DCTN4: variants seen among roughly 807,000 people sequenced by gnomAD.
DCTN4 encodes dynactin 4 (p62).
Under a neutral mutation model 62.7 loss-of-function variants are expected in DCTN4, and 23 were observed. The observed-to-expected ratio is 0.37, with a 90% CI of 0.26 to 0.52. The LOEUF is 0.52. Among genes scored for constraint, DCTN4 ranks in the 20% least tolerant of loss-of-function variants. The pLI is 0.92. For missense variants in DCTN4, 514 were observed against 580.4 expected (o/e 0.89, Z 1.18); for synonymous variants, 199 against 202.1 (o/e 0.98, Z 0.13).
chr5:150,746,910 T>G (rs1752459817), intron 3 of DCTN4, among the ~76,000 whole-genome samples: 1 of 152,124 alleles, frequency 6.6e-6, no homozygotes. Flanking sequence ...ACCACTCCTA[T>G]TCAACATAGT....
At position 150,758,768 on chromosome 5, in the gene DCTN4, G is replaced by A. The variant is rs114177917; in HGVS notation, c.135+91C>T. 1.0e-3 allele frequency: 1,595 copies of A among 1,542,434 alleles called. 16 individuals carry two copies. In the African/African-American group the frequency reaches 0.02, roughly 20 times the overall value. The stretch of plus-strand genomic sequence containing the variant: ...GAAGACATAACCAATCAGTAAGGAA[G>A]GAAAATAGCTCCAGCCTTCCGGTGG... On this transcript the variant is annotated intron_variant, in intron 1 of 12. Transcript: ENST00000447998.
rs1752753999 is a variant in DCTN4 at position 150,753,542 on chromosome 5, A to AAT, written c.320_321dup (p.Tyr108IlefsTer22). On this transcript the variant is annotated frameshift_variant, in exon 3 of 13. Transcript: ENST00000447998. LOFTEE classifies it high-confidence loss of function. ...CAGCGACAAAATCCACATGCCAGGT[A>AAT]ATAGGCTTTCTTCATGGTGGTCTTG... 1 of 1,614,210 alleles carries AAT rather than the reference A, an allele frequency of 6.2e-7. No individual in the cohort carries two copies. The highest frequency in any genetic ancestry group is 8.5e-7 in the Non-Finnish European group (1 of 1,180,020).
chr5:150,741,082 T>G (rs1760751185), intron 4 of DCTN4, among the ~76,000 whole-genome samples: 1 of 150,140 alleles, frequency 6.7e-6, no homozygotes, highest in Admixed American at 6.6e-5. Flanking sequence ...GGAGGATTGC[T>G]TAAGCCTGGG....
At chr5:150,752,549 G>T (rs923102901) in intron 3 of DCTN4, among the ~76,000 whole-genome samples, 1 of 152,180 alleles carries the variant, frequency 6.6e-6, no homozygotes, top group Admixed American at 6.5e-5. Flanking sequence ...CTCCAAGATA[G>T]ACTACCATAG....
rs1431523172 is a variant in DCTN4, at chr5:150,719,727, G to A, written c.952C>T (p.Arg318Cys). Residue 318 changes from arginine (R) to cysteine (C), a missense_variant, in exon 10 of 13, where the codon CGC becomes TGC. Transcript: ENST00000447998. ...AGCAAGGTACTAACCTTCATGTAGC[G>A]AAGGTTGGGAATTGACATGATTCTC... The part of the protein sequence containing the change: ...EVRIMSIPNL[R>C]YMKESQVLLT... 5.0e-6 allele frequency: 8 copies of A among 1,609,872 alleles called. No individual in the cohort carries two copies. The highest frequency in any genetic ancestry group is 6.8e-6 in the Non-Finnish European group (8 of 1,176,866).
At chr5:150,744,371 ATAT>A (rs1456935326) in intron 3 of DCTN4, among the ~76,000 whole-genome samples, 3 of 151,890 alleles carry the variant, frequency 2.0e-5, no homozygotes, top group Admixed American at 6.6e-5. Context: ...ACTCTGCAGG[ATAT>A]TATCCAGGAG....
chr5:150,731,006 G>A, intron 7 of DCTN4, 38 bp downstream of exon 7: 1 of 1,238,782 alleles, frequency 8.1e-7, no homozygotes, highest in Non-Finnish European at 1.2e-6. Context: ...AGAATTAGAT[G>A]TAGACTAGAA....
At chr5:150,750,982 A>G (rs1321497026) in intron 3 of DCTN4, among the ~76,000 whole-genome samples, 1 of 152,204 alleles carries the variant, frequency 6.6e-6, no homozygotes, top group African/African-American at 2.4e-5. Flanking sequence ...CAGAAATAAC[A>G]CTTTAGTATA....
intron 4 of DCTN4, among the ~76,000 whole-genome samples, chr5:150,737,417 C>T (rs567303677): frequency 7.9e-5 from 12 of 152,126 alleles, no homozygotes; most frequent in Non-Finnish European, 2.9e-5. Flanking sequence ...ATGAAGTACT[C>T]GCTCAGACAG....
chr5:150,723,124 G>A (rs1373976172), intron 8 of DCTN4, 144 bp from the exon 9 acceptor site: 1 of 596,392 alleles, frequency 1.7e-6, no homozygotes, highest in Non-Finnish European at 2.9e-6. Flanking sequence ...TTTGAATAAT[G>A]TATAGCAGCC....
intron 9 of DCTN4, among the ~76,000 whole-genome samples, chr5:150,722,026 A>G (rs1422377203): frequency 6.6e-6 from 1 of 151,896 alleles, no homozygotes. Flanking sequence ...GGGTCTTACT[A>G]TGTTGTCCAG....
chr5:150,743,272 GA>G, intron 3 of DCTN4: 1 of 157,318 alleles, frequency 6.4e-6, no homozygotes, highest in Non-Finnish European at 1.4e-5. Context: ...GAGGCTGGGG[GA>G]GGGGCGCCTG....
chr5:150,756,662 C>T (rs556079737), intron 1 of DCTN4, among the ~76,000 whole-genome samples, 175 bp from the exon 2 acceptor site: 71 of 148,892 alleles, frequency 4.8e-4, no homozygotes, highest in African/African-American at 1.6e-3. Flanking sequence ...CTTCTTCTTC[C>T]GGATTTAAAA....
chr5:150,737,334 G>A (rs1760619021), intron 4 of DCTN4, among the ~76,000 whole-genome samples: 1 of 152,076 alleles, frequency 6.6e-6, no homozygotes. Flanking sequence ...TTAGCACATA[G>A]AATATTCTCT....
At chr5:150,742,755 A>C (rs907481501) in intron 3 of DCTN4, 2 of 152,594 alleles carry the variant, frequency 1.3e-5, no homozygotes, top group African/African-American at 2.4e-5. Flanking sequence ...CAAAAACAAA[A>C]CAAAAACCTC....
intron 4 of DCTN4, among the ~76,000 whole-genome samples, chr5:150,736,039 A>G (rs1333024918): frequency 6.6e-6 from 1 of 151,904 alleles, no homozygotes; most frequent in Non-Finnish European, 1.5e-5. Context: ...GAATTAACCC[A>G]ATCTGACAAA....
At chr5:150,723,005 G>GT (rs1434061983) in intron 8 of DCTN4, 25 bp from the exon 9 acceptor site, 15 of 1,514,280 alleles carry the variant, frequency 9.9e-6, no homozygotes, top group Admixed American at 1.7e-5. Flanking sequence ...AATATAACAC[G>GT]TATCAGAAGA....
At chr5:150,731,232 TATG>T (rs1561697719) in intron 6 of DCTN4, 76 bp from the exon 7 acceptor site, 1 of 1,078,124 alleles carries the variant, frequency 9.3e-7, no homozygotes, top group Non-Finnish European at 1.4e-6. Flanking sequence ...ATCCTCAGTC[TATG>T]ATATCAATAA....
intron 8 of DCTN4, among the ~76,000 whole-genome samples, chr5:150,724,535 A>G (rs1198966319): frequency 6.6e-6 from 1 of 152,238 alleles, no homozygotes; most frequent in East Asian, 1.9e-4. Flanking sequence ...CCCAGAAGTC[A>G]TGAAGGTATT....
Sources: gnomAD v4.1 joint callset for allele counts (sites outside exome capture counted in the v4.1 genomes callset) on GRCh38, gnomAD v4.1.1 for gene constraint, MANE v1.5 for transcripts, NCBI Gene and HGNC (gene_info 2026-07-23, HGNC 2026-07-21) for gene names.